DCLK1: variants seen among roughly 807,000 people sequenced by gnomAD.
The protein encoded by DCLK1 is doublecortin like kinase 1, also known as serine/threonine-protein kinase DCLK1.
In DCLK1, 16 loss-of-function variants were observed where a neutral mutation model predicts 86.2. The ratio of observed to expected loss-of-function variants is 0.19; its 90% CI spans 0.13 to 0.28. The LOEUF is 0.28. Ranked by LOEUF, DCLK1 falls within the 10% of genes least tolerant of loss-of-function variation. The pLI, the probability that DCLK1 is intolerant of heterozygous loss-of-function variation, is 1.00. For missense variants in DCLK1, 590 were observed against 940.2 expected, an observed-to-expected ratio of 0.63 and a Z score of 4.87; for synonymous variants, 369 against 370.5, an observed-to-expected ratio of 1.00 and a Z score of 0.05.
chr13:35,983,060 G>A (rs975058038), intron 3 of DCLK1, among the ~76,000 whole-genome samples: 21 of 152,096 alleles, frequency 1.4e-4, no homozygotes, highest in African/African-American at 4.6e-4. Flanking sequence ...CACTGCACCC[G>A]ACCATGAATT....
At chr13:35,974,759 T>G (rs2153140226) in intron 3 of DCLK1, among the ~76,000 whole-genome samples, 1 of 152,268 alleles carries the variant, frequency 6.6e-6, no homozygotes, top group South Asian at 2.1e-4. Context: ...TTACCCAGTC[T>G]CAGGTATGTC....
chr13:36,113,291 A>G (rs564485022), intron 2 of DCLK1, among the ~76,000 whole-genome samples: 1 of 152,328 alleles, frequency 6.6e-6, no homozygotes, highest in South Asian at 2.1e-4. Context: ...GGCCTTCAAA[A>G]GTTAAAAAGA....
rs150983266 is a variant in DCLK1 at position 35,878,949 on chromosome 13, C to G, written c.824-7609G>C. Among the ~76,000 whole-genome samples, 27 of 152,202 alleles carry G rather than the reference C, an allele frequency of 1.8e-4. No homozygotes were observed. In the South Asian group the frequency reaches 4.2e-3, roughly 23 times the overall value. ...TACAGGCACACACTGCCATGCCCAGCTGATTTTTGTATTATTAGTAGAGAT... is the reference window on the plus strand; with the variant it reads ...TACAGGCACACACTGCCATGCCCAGGTGATTTTTGTATTATTAGTAGAGAT... On this transcript the variant is annotated intron_variant, in intron 4 of 16. Transcript: ENST00000360631.
intron 3 of DCLK1, among the ~76,000 whole-genome samples, chr13:36,070,973 A>T (rs1031114544): frequency 6.6e-6 from 1 of 152,116 alleles, no homozygotes; most frequent in African/African-American, 2.4e-5. Flanking sequence ...CCTAGGAGAC[A>T]TGGTGTTCTG....
At chr13:36,108,729 A>C (rs1331937183) in intron 3 of DCLK1, among the ~76,000 whole-genome samples, 1 of 152,190 alleles carries the variant, frequency 6.6e-6, no homozygotes, top group Admixed American at 6.5e-5. Context: ...CAACCCAAAA[A>C]CATGAAATTC....
chr13:35,890,570 T>C lies in DCLK1; in HGVS notation c.824-19230A>G, dbSNP rs1025142085. On this transcript the variant is annotated intron_variant, in intron 4 of 16. Transcript: ENST00000360631. Reference sequence around the variant, plus strand: ...GTAAACCTTATAAAATACTTTGGTATATTTGTGCACAAAATTTCTAGAGAC... The same window carrying C: ...GTAAACCTTATAAAATACTTTGGTACATTTGTGCACAAAATTTCTAGAGAC... Among the ~76,000 whole-genome samples, 6 of 152,312 alleles carry C rather than the reference T, an allele frequency of 3.9e-5. No individual in the cohort carries two copies. The East Asian group carries it at 9.6e-4, about 24-fold the overall frequency.
chr13:35,925,130 C>G (rs1259683641), intron 4 of DCLK1, among the ~76,000 whole-genome samples: 1 of 152,198 alleles, frequency 6.6e-6, no homozygotes, highest in Non-Finnish European at 1.5e-5. Flanking sequence ...TAAAAGTTTC[C>G]TGGCTCTGAT....
In DCLK1 at chr13:35,779,656, T is replaced by G. The variant is rs920532086; in HGVS notation, c.2059-4957A>C. On this transcript the variant is annotated intron_variant, in intron 16 of 16. Transcript: ENST00000360631. Reference sequence around the variant, plus strand: ...TATTAAGAGTCAATATTTAAGACTATAACTTATGCTTCAAATATGACCAAA... The same window carrying G: ...TATTAAGAGTCAATATTTAAGACTAGAACTTATGCTTCAAATATGACCAAA... 5.3e-5 allele frequency among the ~76,000 whole-genome samples: 8 copies of G among 152,344 alleles called. No individual in the cohort carries two copies. In the South Asian group the frequency reaches 1.7e-3, roughly 32 times the overall value.
intron 3 of DCLK1, among the ~76,000 whole-genome samples, chr13:36,007,099 G>A (rs1243757793): frequency 6.6e-6 from 1 of 152,078 alleles, no homozygotes; most frequent in South Asian, 2.1e-4. Context: ...GGCCAGCAAG[G>A]CTCATTGGTC....
At chr13:35,824,216 AC>A (rs1381277356) in intron 10 of DCLK1, among the ~76,000 whole-genome samples, 1 of 152,060 alleles carries the variant, frequency 6.6e-6, no homozygotes, top group Non-Finnish European at 1.5e-5. Context: ...TTGCTTTGTC[AC>A]CCAGGCTGGA....
intron 3 of DCLK1, among the ~76,000 whole-genome samples, chr13:36,089,031 A>G (rs866812798): frequency 5.3e-5 from 8 of 152,322 alleles, no homozygotes; most frequent in Middle Eastern, 3.4e-3. Flanking sequence ...CTTTTTTTTA[A>G]AAAAATTCTC....
At chr13:35,999,159 G>A (rs1205302607) in intron 3 of DCLK1, among the ~76,000 whole-genome samples, 1 of 152,082 alleles carries the variant, frequency 6.6e-6, no homozygotes, top group African/African-American at 2.4e-5. Flanking sequence ...GGAGGCTGAG[G>A]CTGGAGAATC....
chr13:35,855,679 C>G (rs982231299), intron 5 of DCLK1: 2 of 1,395,188 alleles, frequency 1.4e-6, no homozygotes, highest in Non-Finnish European at 1.9e-6. Flanking sequence ...CAGGATTCAT[C>G]AGCAGATGCC....
At chr13:35,885,337 T>C (rs939797381) in intron 4 of DCLK1, among the ~76,000 whole-genome samples, 2 of 151,986 alleles carry the variant, frequency 1.3e-5, no homozygotes, top group Non-Finnish European at 2.9e-5. Context: ...CAGACTATAC[T>C]AGAACAAAAA....
intron 4 of DCLK1, among the ~76,000 whole-genome samples, chr13:35,929,022 C>G (rs1363418814): frequency 6.6e-6 from 1 of 152,122 alleles, no homozygotes; most frequent in Non-Finnish European, 1.5e-5. Context: ...CTCCGCCTCC[C>G]AGGTTCATGC....
intron 11 of DCLK1, among the ~76,000 whole-genome samples, chr13:35,818,874 C>T (rs2087330649): frequency 6.6e-6 from 1 of 151,894 alleles, no homozygotes; most frequent in Non-Finnish European, 1.5e-5. Context: ...CACATACACA[C>T]ATACACGCAT....
chr13:36,002,018 T>C (rs1160991359), intron 3 of DCLK1, among the ~76,000 whole-genome samples: 1 of 148,560 alleles, frequency 6.7e-6, no homozygotes, highest in African/African-American at 2.6e-5. Context: ...GATGATGAAG[T>C]TGGGTTAAAA....
chr13:36,067,394 C>A (rs1883795908), intron 3 of DCLK1, among the ~76,000 whole-genome samples: 1 of 126,534 alleles, frequency 7.9e-6, no homozygotes, highest in Admixed American at 8.5e-5. Flanking sequence ...AACATCACAC[C>A]CTGGGGACTG....
chr13:35,998,589 C>T (rs1291526778), intron 3 of DCLK1, among the ~76,000 whole-genome samples: 1 of 152,116 alleles, frequency 6.6e-6, no homozygotes, highest in Non-Finnish European at 1.5e-5. Flanking sequence ...TTCTAGGCAA[C>T]CAAAATATTC....
Sources: gnomAD v4.1 joint callset for allele counts (sites outside exome capture counted in the v4.1 genomes callset) on GRCh38, gnomAD v4.1.1 for gene constraint, MANE v1.5 for transcripts, NCBI Gene and HGNC (gene_info 2026-07-23, HGNC 2026-07-21) for gene names.